STARD9: variants seen among roughly 807,000 people sequenced by gnomAD.
The protein encoded by STARD9 is StAR related lipid transfer domain containing 9.
In STARD9, 346 loss-of-function variants were observed where a neutral mutation model predicts 399.8. The ratio of observed to expected loss-of-function variants is 0.87; its 90% CI spans 0.79 to 0.95. STARD9 has a LOEUF of 0.95. STARD9 is among the 40% of genes least tolerant of loss of function. The pLI is 0.00. For synonymous variants in STARD9, 2,203 were observed against 2,143.5 expected (o/e 1.03, Z -0.77); for missense variants, 5,832 against 5,667.5 (o/e 1.03, Z -0.93).
chr15:42,583,701 C>CA (rs1183771198), intron 2 of STARD9, among the ~76,000 whole-genome samples: 1 of 152,054 alleles, frequency 6.6e-6, no homozygotes, highest in African/African-American at 2.4e-5. Context: ...GTTTTGGGGG[C>CA]AATAGTTAAC....
chr15:42,688,104 C>G lies in STARD9; in HGVS notation c.6526C>G (p.Pro2176Ala), dbSNP rs765222021. The G allele has an allele frequency of 3.9e-6, 6 of 1,537,226 alleles. No homozygotes were observed. In the Admixed American group the frequency reaches 5.9e-5, roughly 15 times the overall value. ...EHTHPAGSDR[P>A]ARDICDSLGK... is the part of the protein sequence containing the mutation. ...CACCCACCCAGCTGGATCGGACAGA[C>G]CTGCCAGGGATATTTGTGATTCTTT... is the stretch of plus-strand genomic sequence containing the variant. Residue 2176 changes from proline (P) to alanine (A), a missense_variant, in exon 23 of 33, where the codon CCT becomes GCT. Pro to Ala is a conservative substitution (Grantham distance 27). Coordinates refer to ENST00000290607, the MANE Select transcript of STARD9 (RefSeq NM_020759.3).
chr15:42,639,787 C>A (rs1451295391), intron 7 of STARD9, among the ~76,000 whole-genome samples: 1 of 151,556 alleles, frequency 6.6e-6, no homozygotes, highest in Non-Finnish European at 1.5e-5. Context: ...TCACTTAAAC[C>A]TGGGAGGCAG....
intron 7 of STARD9, among the ~76,000 whole-genome samples, chr15:42,645,834 G>A (rs190942275): frequency 1.3e-5 from 2 of 152,006 alleles, no homozygotes; most frequent in East Asian, 1.9e-4. Context: ...GAGTCACCGC[G>A]CCCAGCCTGG....
rs2060038889 is a variant in STARD9, at chr15:42,663,918, G to A, written c.1176+1G>A. On this transcript the variant is annotated splice_donor_variant, in intron 13 of 32. Coordinates refer to ENST00000290607, the MANE Select transcript of STARD9 (RefSeq NM_020759.3). LOFTEE classifies it high-confidence loss of function. ...TATCAACAAGCCACGAGTAAATGAG[G>A]TGAGACCTTTTCAGAAGTCCTGGTC... 1.3e-6 allele frequency: 2 copies of A among 1,526,644 alleles called. No individual in the cohort carries two copies. The highest frequency in any genetic ancestry group is 1.8e-6 in the Non-Finnish European group (2 of 1,137,378). 94.6% of individuals were successfully genotyped at this position (1,526,644 alleles called of 1,614,324 possible). A position where few individuals can be genotyped will look rare whatever the true frequency, so the allele number is the denominator to read the frequency against.
chr15:42,646,892 T>C (rs2059656785), intron 7 of STARD9, among the ~76,000 whole-genome samples: 1 of 152,188 alleles, frequency 6.6e-6, no homozygotes, highest in South Asian at 2.1e-4. Context: ...AAGGCCATTG[T>C]AGGGTTATTG....
At chr15:42,577,288 G>A (rs1341380557) in intron 1 of STARD9, among the ~76,000 whole-genome samples, 1 of 152,028 alleles carries the variant, frequency 6.6e-6, no homozygotes, top group East Asian at 1.9e-4. Flanking sequence ...CCAGCAGCTG[G>A]GACTACAGGC....
At chr15:42,698,062 C>G (rs1176563864) in intron 26 of STARD9, among the ~76,000 whole-genome samples, 1 of 152,180 alleles carries the variant, frequency 6.6e-6, no homozygotes, top group Admixed American at 6.5e-5. Context: ...ATTTGTAACT[C>G]TATTTGAATA....
At chr15:42,600,513 C>A (rs1221339426) in intron 3 of STARD9, among the ~76,000 whole-genome samples, 2 of 150,392 alleles carry the variant, frequency 1.3e-5, no homozygotes, top group Non-Finnish European at 3.0e-5. Flanking sequence ...GGTTTTGCTT[C>A]GTTTCTTTCT....
intron 3 of STARD9, among the ~76,000 whole-genome samples, chr15:42,598,510 T>C (rs905990976): frequency 6.6e-6 from 1 of 152,134 alleles, no homozygotes; most frequent in African/African-American, 2.4e-5. Context: ...TGAAATTCTT[T>C]GGCATAAAAA....
chr15:42,646,550 G>A (rs1041347041), intron 7 of STARD9, among the ~76,000 whole-genome samples: 1 of 152,206 alleles, frequency 6.6e-6, no homozygotes, highest in Non-Finnish European at 1.5e-5. Context: ...ACTTCTCTCA[G>A]CCTTCATAGC....
Position 42,694,101 on chromosome 15 carries a change from G to T in STARD9, c.12523G>T (p.Glu4175Ter). Residue 4175 changes from glutamate to a stop codon, truncating the protein, a stop_gained, in exon 23 of 33, where the codon GAA (glutamate) becomes TAA (stop). Transcript: ENST00000290607. LOFTEE classifies it high-confidence loss of function. ...ASGDLSSEKQ[E>*]QSPPQPPNDH... Reference sequence around the variant, plus strand: ...CGGTGATCTCAGCTCTGAAAAGCAGGAACAGAGTCCCCCACAACCTCCTAA... The same window carrying T: ...CGGTGATCTCAGCTCTGAAAAGCAGTAACAGAGTCCCCCACAACCTCCTAA... The T allele has an allele frequency of 6.5e-7, 1 of 1,537,074 alleles. No individual in the cohort carries two copies. Among genetic ancestry groups the T allele is most frequent in the Non-Finnish European group, 8.7e-7 (1 of 1,146,856 alleles).
At chr15:42,613,087 A>G (rs1471246943) in intron 3 of STARD9, among the ~76,000 whole-genome samples, 1 of 151,722 alleles carries the variant, frequency 6.6e-6, no homozygotes, top group Non-Finnish European at 1.5e-5. Flanking sequence ...CTCAGGAACT[A>G]GGGTCTTATG....
At chr15:42,587,397 T>C (rs1270918623) in intron 3 of STARD9, among the ~76,000 whole-genome samples, 2 of 152,164 alleles carry the variant, frequency 1.3e-5, no homozygotes, top group Non-Finnish European at 2.9e-5. Context: ...GGGCCTCTTC[T>C]GTTATATAAG....
At chr15:42,641,899 C>T (rs549280588) in intron 7 of STARD9, among the ~76,000 whole-genome samples, 15 of 152,118 alleles carry the variant, frequency 9.9e-5, no homozygotes, top group Non-Finnish European at 1.9e-4. Flanking sequence ...CCACCGCGCC[C>T]GGCTGACATT....
At chr15:42,599,319 C>T (rs2058577280) in intron 3 of STARD9, among the ~76,000 whole-genome samples, 1 of 152,186 alleles carries the variant, frequency 6.6e-6, no homozygotes, top group South Asian at 2.1e-4. Flanking sequence ...TACATGAAAA[C>T]ACCATCTTGT....
rs762481813 is a variant in STARD9, at chr15:42,685,419, T to TTCCAACCCCATTGTGAGC, written c.3882_3899dup (p.Leu1299_Glu1304dup). ...CAGTTCGTTTTACCTTGATCCTCAG[T>TTCCAACCCCATTGTGAGC]TCCAACCCCATTGTGAGCTCCAACC... On this transcript the variant is annotated inframe_insertion, in exon 23 of 33. Coordinates refer to ENST00000290607, the MANE Select transcript of STARD9 (RefSeq NM_020759.3). The TTCCAACCCCATTGTGAGC allele has an allele frequency of 4.0e-5, 61 of 1,533,416 alleles. No homozygotes were observed. Among genetic ancestry groups the TTCCAACCCCATTGTGAGC allele is most frequent in the Middle Eastern group, 1.7e-4 (1 of 5,994 alleles). 95.0% of individuals were successfully genotyped at this position (1,533,416 alleles called of 1,614,324 possible). A position where few individuals can be genotyped will look rare whatever the true frequency, so the allele number is the denominator to read the frequency against.
intron 3 of STARD9, among the ~76,000 whole-genome samples, chr15:42,634,163 G>A (rs762992811): frequency 2.4e-4 from 37 of 152,156 alleles, no homozygotes; most frequent in Admixed American, 6.6e-5. Context: ...TTCTGCTGAA[G>A]ACTGGCTGAA....
chr15:42,637,079 TA>T (rs5812228), intron 4 of STARD9, among the ~76,000 whole-genome samples: 4 of 144,290 alleles, frequency 2.8e-5, no homozygotes, highest in African/African-American at 5.1e-5. Flanking sequence ...AAATAATAAT[TA>T]AAAAAAAAAA....
intron 26 of STARD9, among the ~76,000 whole-genome samples, chr15:42,701,282 A>C (rs1241627424): frequency 6.6e-6 from 1 of 152,148 alleles, no homozygotes; most frequent in African/African-American, 2.4e-5. Context: ...TCTATGAAGA[A>C]TGTTATTCGT....
Sources: gnomAD v4.1 joint callset for allele counts (sites outside exome capture counted in the v4.1 genomes callset) on GRCh38, gnomAD v4.1.1 for gene constraint, MANE v1.5 for transcripts, NCBI Gene and HGNC (gene_info 2026-07-23, HGNC 2026-07-21) for gene names.